The following ZNF578 variants were observed in gnomAD, a reference collection of about 807,000 sequenced individuals.
ZNF578 encodes Putative chemokine-related protein B42.
ZNF578 carries 8 observed loss-of-function variants against 8.3 expected under a neutral mutation model. That is an observed-to-expected ratio of 0.96 (90% CI 0.56 to 1.74). ZNF578 has a LOEUF of 1.74. Among genes scored for constraint, ZNF578 ranks in the 40% most tolerant of loss-of-function variants. ZNF578 has a pLI of 0.00. For missense variants in ZNF578, 726 were observed against 707.5 expected (o/e 1.03, Z -0.30); for synonymous variants, 206 against 232.2 (o/e 0.89, Z 1.03).
chr19:52,506,766 G>C (rs950934871), intron 5 of ZNF578, among the ~76,000 whole-genome samples: 1 of 152,126 alleles, frequency 6.6e-6, no homozygotes, highest in East Asian at 1.9e-4. Flanking sequence ...TTTTAGTAGA[G>C]GTGGAGTTTC....
intron 2 of ZNF578, among the ~76,000 whole-genome samples, chr19:52,459,747 G>GTATATA (rs1568454133): frequency 4.8e-4 from 8 of 16,690 alleles, no homozygotes; most frequent in Non-Finnish European, 1.3e-3. Context: ...GTGTGTGTGT[G>GTATATA]TGTGTATATA....
intron 2 of ZNF578, among the ~76,000 whole-genome samples, chr19:52,478,489 G>A (rs1220850013): frequency 2.6e-5 from 4 of 151,938 alleles, no homozygotes; most frequent in Non-Finnish European, 4.4e-5. Context: ...TGGAGGGGGC[G>A]GTACAGGCCA....
At chr19:52,481,177 G>A (rs1477711303) in intron 2 of ZNF578, among the ~76,000 whole-genome samples, 1 of 151,884 alleles carries the variant, frequency 6.6e-6, no homozygotes, top group Non-Finnish European at 1.5e-5. Context: ...ACCTCTTTAG[G>A]GCACTGACCT....
chr19:52,490,472 C>T (rs2059361558), intron 2 of ZNF578, among the ~76,000 whole-genome samples: 1 of 152,084 alleles, frequency 6.6e-6, no homozygotes, highest in Non-Finnish European at 1.5e-5. Flanking sequence ...CTGGTTTTAT[C>T]ATGGGTTAGA....
chr19:52,496,163 C>T (rs1230441326), intron 3 of ZNF578, among the ~76,000 whole-genome samples: 2 of 151,112 alleles, frequency 1.3e-5, no homozygotes, highest in East Asian at 3.9e-4. Context: ...GGATTATAGG[C>T]GCCCACAACC....
intron 5 of ZNF578, among the ~76,000 whole-genome samples, chr19:52,507,702 TG>T (rs1340253541): frequency 6.6e-5 from 10 of 152,316 alleles, no homozygotes; most frequent in African/African-American, 2.4e-4. Context: ...TGCTGTGTCC[TG>T]ACATGGGGGA....
At chr19:52,494,753 C>T (rs1568463035) in intron 3 of ZNF578, among the ~76,000 whole-genome samples, 1 of 152,100 alleles carries the variant, frequency 6.6e-6, no homozygotes, top group Non-Finnish European at 1.5e-5. Flanking sequence ...ACTCTCTTCC[C>T]TTTTCCCAGG....
chr19:52,495,245 C>A (rs188261826), intron 3 of ZNF578, among the ~76,000 whole-genome samples: 1,189 of 114,546 alleles, frequency 0.01, 9 homozygotes, highest in Middle Eastern at 0.03. Flanking sequence ...GCTAATGACT[C>A]TCTGTGCCTT....
Position 52,488,783 on chromosome 19 carries a change from GA to G in ZNF578, c.-121-2528del, listed in dbSNP as rs112520451. 3.2e-3 allele frequency among the ~76,000 whole-genome samples: 449 copies of G among 138,956 alleles called. 2 individuals are homozygous for G. Among genetic ancestry groups the G allele is most frequent in the African/African-American group, 8.7e-3 (330 of 37,936 alleles). 91.2% of individuals were successfully genotyped at this position (138,956 alleles called of 152,430 possible). On this transcript the variant is annotated intron_variant, in intron 2 of 5. Transcript: ENST00000421239. ...TGGGTAACAGATTTAGACGCCGTCTGAAAAAAAAAAAAATGAAGAAAAAGTA... is the reference window on the plus strand; with the variant it reads ...TGGGTAACAGATTTAGACGCCGTCTGAAAAAAAAAAAATGAAGAAAAAGTA...
chr19:52,457,484 A>T (rs1163970587), intron 2 of ZNF578: 1 of 152,186 alleles, frequency 6.6e-6, no homozygotes, highest in Non-Finnish European at 1.5e-5. Context: ...TAGCAAATTA[A>T]TTGAAGAGGG....
At chr19:52,465,948 A>C (rs1290359546) in intron 2 of ZNF578, among the ~76,000 whole-genome samples, 1 of 152,084 alleles carries the variant, frequency 6.6e-6, no homozygotes, top group African/African-American at 2.4e-5. Context: ...CCTCAACACC[A>C]CCCTTAGGGT....
In ZNF578 at chr19:52,511,995, T is replaced by C. The variant is rs1412766722; in HGVS notation, c.1614T>C (p.Pro538=). The stretch of plus-strand genomic sequence containing the variant: ...ATAGACTTCATACTGGAGAGAAACC[T>C]TACAAATGTAAGGTTTGTGACAAGG... ...RHHRLHTGEK[P]YKCKVCDKAF... is the part of the protein sequence containing the mutation. Residue 538 remains proline (P), a synonymous_variant, in exon 6 of 6, where the codon CCT becomes CCC. Coordinates refer to ENST00000421239, the MANE Select transcript of ZNF578 (RefSeq NM_001099694.2). 6.2e-7 allele frequency: 1 copy of C among 1,614,004 alleles called. No individual in the cohort carries two copies. Among genetic ancestry groups the C allele is most frequent in the Non-Finnish European group, 8.5e-7 (1 of 1,180,020 alleles).
chr19:52,510,728 A>C lies in ZNF578; in HGVS notation c.347A>C (p.Gln116Pro), dbSNP rs1272938454. The change falls in exon 6 of 6, where the codon CAG (glutamine) becomes CCG (proline). Residue 116 changes from glutamine to proline, a missense_variant. Physicochemically the swap from Gln to Pro is moderately conservative, Grantham distance 76 (BLOSUM62 -1). Coordinates refer to ENST00000421239, the MANE Select transcript of ZNF578 (RefSeq NM_001099694.2). ...AAAGATATTCATGACTTTGAGTTTC[A>C]GTCACAAAAAGATGAAAGAAATGGC... The part of the protein sequence containing the change: ...IEKDIHDFEF[Q>P]SQKDERNGHE... 3 of 1,612,742 alleles carry C rather than the reference A, an allele frequency of 1.9e-6. No homozygotes were observed. The highest frequency in any genetic ancestry group is 3.4e-5 in the Admixed American group (2 of 59,608).
chr19:52,469,561 TTCTAA>T (rs2059285878), intron 2 of ZNF578, among the ~76,000 whole-genome samples: 1 of 152,272 alleles, frequency 6.6e-6, no homozygotes, highest in African/African-American at 2.4e-5. Flanking sequence ...AGGTCTCTAC[TTCTAA>T]TAGTACAGAG....
chr19:52,478,644 A>T (rs1651535), intron 2 of ZNF578, among the ~76,000 whole-genome samples: 15,696 of 152,250 alleles, frequency 0.1, 1,402 homozygotes, highest in East Asian at 0.33. Flanking sequence ...CAGTATGAAC[A>T]AAACTCCAAG....
intron 4 of ZNF578, among the ~76,000 whole-genome samples, chr19:52,504,198 C>G (rs566364308): frequency 6.6e-6 from 1 of 151,950 alleles, no homozygotes; most frequent in Non-Finnish European, 1.5e-5. Context: ...TCAAGTGATT[C>G]TCCTGCCTCA....
At chr19:52,473,881 G>T (rs576047367) in intron 2 of ZNF578, 1 of 332,626 alleles carries the variant, frequency 3.0e-6, no homozygotes, top group East Asian at 7.0e-5. Flanking sequence ...TATAGACCTT[G>T]CCACATTCAT....
rs1555751349 is a variant in ZNF578 at position 52,459,769 on chromosome 19, A to ATATATATTTTTTTTT, written c.-122+2812_-122+2813insATATATTTTTTTTTT. 1.1e-3 allele frequency among the ~76,000 whole-genome samples: 19 copies of ATATATATTTTTTTTT among 17,620 alleles called. 2 individuals carry two copies. Among genetic ancestry groups the ATATATATTTTTTTTT allele is most frequent in the African/African-American group, 1.3e-3 (7 of 5,472 alleles). 11.6% of individuals were successfully genotyped at this position (17,620 alleles called of 152,430 possible). Reference sequence around the variant, plus strand: ...TGTGTGTGTATATATATATATATATATTTTTTTTTTTTTTTTTTTTTTTTG... The same window carrying ATATATATTTTTTTTT: ...TGTGTGTGTATATATATATATATATATATATATTTTTTTTTTTTTTTTTTTTTTTTTTTTTTTTTG... On this transcript the variant is annotated intron_variant, in intron 2 of 5. Coordinates refer to ENST00000421239, the MANE Select transcript of ZNF578 (RefSeq NM_001099694.2).
chr19:52,508,161 A>G (rs1434584497), intron 5 of ZNF578, among the ~76,000 whole-genome samples: 1 of 152,028 alleles, frequency 6.6e-6, no homozygotes, highest in Admixed American at 6.6e-5. Flanking sequence ...CCTGGCCAAC[A>G]TGGTGAAACC....
Sources: allele counts gnomAD v4.1 joint callset (sites outside exome capture counted in the v4.1 genomes callset), GRCh38; gene constraint gnomAD v4.1.1; transcripts MANE v1.5; gene names NCBI Gene and HGNC (gene_info 2026-07-23, HGNC 2026-07-21).